Variants in GRHL2 observed in about 807,000 individuals in gnomAD.
GRHL2 encodes the protein grainyhead-like protein 2 homolog.
A neutral mutation model predicts 83.8 loss-of-function variants in GRHL2; 21 were observed. The ratio of observed to expected loss-of-function variants is 0.25; its 90% CI spans 0.18 to 0.36. The LOEUF (loss-of-function observed/expected upper bound fraction) is 0.36, where lower values mean the gene tolerates loss of function less well. Ranked by LOEUF, GRHL2 falls within the 10% of genes least tolerant of loss-of-function variation. The pLI is 1.00. For missense variants in GRHL2, 623 were observed against 781.8 expected (o/e 0.80, Z 2.42); for synonymous variants, 280 against 278.9 (o/e 1.00, Z -0.04).
At chr8:101,575,102 G>A (rs1286670435) in intron 6 of GRHL2, among the ~76,000 whole-genome samples, 2 of 152,170 alleles carry the variant, frequency 1.3e-5, no homozygotes, top group Non-Finnish European at 2.9e-5. Flanking sequence ...TGAAGGCAGG[G>A]AAATGTTAGC....
At chr8:101,671,270 T>G (rs1489373520), downstream of GRHL2, among the ~76,000 whole-genome samples, 1 of 152,060 alleles carries the variant, frequency 6.6e-6, no homozygotes, top group Non-Finnish European at 1.5e-5. Flanking sequence ...CCTTTCCTAG[T>G]CAAAGAAAGG....
chr8:101,661,150 A>G (rs568047497), intron 14 of GRHL2, among the ~76,000 whole-genome samples: 3 of 152,156 alleles, frequency 2.0e-5, no homozygotes, highest in Non-Finnish European at 4.4e-5. Context: ...ATTTTTTTAA[A>G]AAGTCCATCA....
intron 9 of GRHL2, among the ~76,000 whole-genome samples, chr8:101,629,637 A>C (rs1813146329): frequency 6.6e-6 from 1 of 152,092 alleles, no homozygotes; most frequent in Admixed American, 6.6e-5. Context: ...TATAATTTAT[A>C]CAGGTTAACA....
intron 11 of GRHL2, among the ~76,000 whole-genome samples, chr8:101,634,290 G>T (rs1252483956): frequency 1.3e-5 from 2 of 152,170 alleles, no homozygotes; most frequent in African/African-American, 4.8e-5. Context: ...GCTGTCCCTA[G>T]AACAACCTGT....
intron 1 of GRHL2, among the ~76,000 whole-genome samples, chr8:101,508,213 A>T (rs1810379608): frequency 1.3e-5 from 2 of 152,152 alleles, no homozygotes; most frequent in African/African-American, 4.8e-5. Flanking sequence ...CATATTTCCA[A>T]ATTGCCATCC....
At chr8:101,638,537 A>C (rs1168859174) in intron 12 of GRHL2, among the ~76,000 whole-genome samples, 1 of 152,192 alleles carries the variant, frequency 6.6e-6, no homozygotes, top group African/African-American at 2.4e-5. Context: ...TACAACAGAG[A>C]CCATATGGCC....
At chr8:101,567,686 A>C (rs1219238156) in intron 4 of GRHL2, among the ~76,000 whole-genome samples, 1 of 152,186 alleles carries the variant, frequency 6.6e-6, no homozygotes, top group Non-Finnish European at 1.5e-5. Flanking sequence ...TCTTGTCCTC[A>C]TGCATTCATG....
chr8:101,514,145 A>G (rs1380377881), intron 1 of GRHL2, among the ~76,000 whole-genome samples: 1 of 152,100 alleles, frequency 6.6e-6, no homozygotes, highest in Non-Finnish European at 1.5e-5. Context: ...ACACATACAC[A>G]TACATTTACA....
intron 1 of GRHL2, among the ~76,000 whole-genome samples, chr8:101,514,713 C>T (rs762720164): frequency 6.6e-6 from 1 of 152,150 alleles, no homozygotes; most frequent in Non-Finnish European, 1.5e-5. Flanking sequence ...ACAACTCGAG[C>T]TTTCTGCCAG....
At chr8:101,678,349 C>T in the GRHL2 span, among the ~76,000 whole-genome samples, 14,373 of 152,190 alleles carry the variant, frequency 0.094, 761 homozygotes, top group Middle Eastern at 0.14. Context: ...CGGGTCACTC[C>T]CACCCGAATA....
chr8:101,638,785 G>T lies in GRHL2; in HGVS notation c.1517+1857G>T, dbSNP rs112563347. On this transcript the variant is annotated intron_variant, in intron 12 of 15. Transcript: ENST00000646743. ...CCCAGCGGTTAGAATGAACATAAAT[G>T]ACTAGCACTGTCAATTCTAATCAGT... Among the ~76,000 whole-genome samples, 909 of 152,318 alleles carry T rather than the reference G, an allele frequency of 6.0e-3. 8 individuals are homozygous for T. Among genetic ancestry groups the T allele is most frequent in the African/African-American group, 0.02 (817 of 41,568 alleles).
the GRHL2 span, among the ~76,000 whole-genome samples, chr8:101,678,806 C>T: frequency 6.6e-6 from 1 of 151,932 alleles, no homozygotes; most frequent in Non-Finnish European, 1.5e-5. Flanking sequence ...CACCCCCCAG[C>T]AGGGGCACAC....
At chr8:101,492,904 T>C in intron 1 of GRHL2, 115 bp downstream of exon 1, 6 of 988,208 alleles carry the variant, frequency 6.1e-6, no homozygotes, top group Non-Finnish European at 6.5e-6. Context: ...CTTTCTTTTT[T>C]CTTTTTCTTT....
chr8:101,508,066 G>A (rs571917843), intron 1 of GRHL2, among the ~76,000 whole-genome samples: 32 of 152,196 alleles, frequency 2.1e-4, no homozygotes, highest in African/African-American at 4.6e-4. Flanking sequence ...GATTACAGGC[G>A]TGAGCCACCG....
chr8:101,666,446 G>A (rs1814059410), intron 15 of GRHL2, 143 bp from the exon 16 acceptor site: 3 of 676,872 alleles, frequency 4.4e-6, no homozygotes, highest in Non-Finnish European at 5.5e-6. Flanking sequence ...GTCTTTCCCT[G>A]CCTTGTGTCC....
chr8:101,535,289 A>ATGTG (rs139385570), intron 1 of GRHL2, among the ~76,000 whole-genome samples: 1 of 150,914 alleles, frequency 6.6e-6, no homozygotes, highest in African/African-American at 2.4e-5. Flanking sequence ...ACTCAGGGAG[A>ATGTG]TGTGTGTGTG....
At chr8:101,663,935 G>T (rs1412259817) in intron 14 of GRHL2, among the ~76,000 whole-genome samples, 1 of 151,322 alleles carries the variant, frequency 6.6e-6, no homozygotes, top group Non-Finnish European at 1.5e-5. Context: ...CGTTTTTAAA[G>T]TTGTGTTGTT....
intron 14 of GRHL2, among the ~76,000 whole-genome samples, chr8:101,652,402 GT>G (rs1813662790): frequency 1.1e-5 from 1 of 86,996 alleles, no homozygotes; most frequent in Non-Finnish European, 2.1e-5. Context: ...TGTGTGTCTG[GT>G]GTGTGTGTGG....
intron 1 of GRHL2, among the ~76,000 whole-genome samples, chr8:101,535,251 C>T (rs1263762935): frequency 6.6e-6 from 1 of 152,116 alleles, no homozygotes; most frequent in East Asian, 1.9e-4. Context: ...AGCCTAAGGC[C>T]AGTCTGAGTG....
Sources: allele counts gnomAD v4.1 joint callset (sites outside exome capture counted in the v4.1 genomes callset), GRCh38; gene constraint gnomAD v4.1.1; transcripts MANE v1.5; gene names NCBI Gene and HGNC (gene_info 2026-07-23, HGNC 2026-07-21).